The following CCDC170 variants were observed in gnomAD, a reference collection of about 807,000 sequenced individuals.
CCDC170 encodes the protein coiled-coil domain containing 170.
In CCDC170, 69 loss-of-function variants were observed where a neutral mutation model predicts 72.6. The ratio of observed to expected loss-of-function variants is 0.95; its 90% CI spans 0.78 to 1.16. CCDC170 has a LOEUF of 1.16. Among genes scored for constraint, CCDC170 ranks in the 50% most tolerant of loss-of-function variants. The probability of loss-of-function intolerance (pLI) is 0.00; values close to 1 mark genes in which losing one functional copy is unlikely to be tolerated. For synonymous variants in CCDC170, 300 were observed against 303.9 expected (o/e 0.99, Z 0.13); for missense variants, 852 against 832.5 (o/e 1.02, Z -0.29).
In CCDC170 at chr6:151,536,235, T is replaced by G. The variant is rs1532401; in HGVS notation, c.58-83T>G. On this transcript the variant is annotated intron_variant, in intron 1 of 10. Coordinates refer to ENST00000239374, the MANE Select transcript of CCDC170 (RefSeq NM_025059.4). ...TTGGAATACAAAGAATGCTTCTGCCTTTAATCTGGCTTTGTGCAGCTGCAC... is the reference window on the plus strand; with the variant it reads ...TTGGAATACAAAGAATGCTTCTGCCGTTAATCTGGCTTTGTGCAGCTGCAC... 1.8e-5 allele frequency: 28 copies of G among 1,514,662 alleles called. No individual in the cohort carries two copies. In the East Asian group the frequency reaches 6.4e-4, roughly 35 times the overall value. 93.8% of individuals were successfully genotyped at this position (1,514,662 alleles called of 1,614,324 possible). A position where few individuals can be genotyped will look rare whatever the true frequency, so the allele number is the denominator to read the frequency against.
At chr6:151,544,754 G>A (rs757027244) in intron 4 of CCDC170, 38 bp downstream of exon 4, 1 of 1,572,326 alleles carries the variant, frequency 6.4e-7, no homozygotes, top group South Asian at 1.2e-5. Context: ...TAAATGTAGT[G>A]GTGATTCTGA....
In CCDC170 at chr6:151,615,451, T is replaced by C. The variant is rs537414499; in HGVS notation, c.1719T>C (p.Thr573=). 1.2e-6 allele frequency: 2 copies of C among 1,611,848 alleles called. No homozygotes were observed. Among genetic ancestry groups the C allele is most frequent in the Admixed American group, 3.3e-5 (2 of 59,892 alleles). ...TTCTCTTGACTTTCTAGATTAAAAC[T>C]TTGGAACAGACTAAAGCCATTGAAG... ...LADTNELKIK[T]LEQTKAIEDL... Residue 573 remains threonine (T), a synonymous_variant, in exon 10 of 11, where the codon ACT becomes ACC. Coordinates refer to ENST00000239374, the MANE Select transcript of CCDC170 (RefSeq NM_025059.4).
At chr6:151,575,690 C>T (rs1490889502) in intron 6 of CCDC170, among the ~76,000 whole-genome samples, 2 of 151,582 alleles carry the variant, frequency 1.3e-5, no homozygotes, top group African/African-American at 2.4e-5. Flanking sequence ...CCACCACACC[C>T]AGCTAATTTT....
intron 1 of CCDC170, among the ~76,000 whole-genome samples, chr6:151,523,008 G>C (rs1782346140): frequency 6.6e-6 from 1 of 152,166 alleles, no homozygotes; most frequent in African/African-American, 2.4e-5. Context: ...CCCTCTCTTG[G>C]GGTCTGGAAT....
At chr6:151,533,486 G>A (rs967432466) in intron 1 of CCDC170, among the ~76,000 whole-genome samples, 1 of 151,850 alleles carries the variant, frequency 6.6e-6, no homozygotes, top group Non-Finnish European at 1.5e-5. Context: ...TGACCAACAT[G>A]GAGAAACCCC....
chr6:151,575,157 T>C (rs1776283067), intron 6 of CCDC170, among the ~76,000 whole-genome samples: 1 of 152,206 alleles, frequency 6.6e-6, no homozygotes, highest in South Asian at 2.1e-4. Flanking sequence ...AATGAGACTT[T>C]AAAGTAAATG....
At chr6:151,524,971 T>C (rs1018254668) in intron 1 of CCDC170, among the ~76,000 whole-genome samples, 7 of 148,522 alleles carry the variant, frequency 4.7e-5, no homozygotes, top group Admixed American at 6.8e-5. Context: ...CTCACTCTAT[T>C]GCCCAGGCTG....
chr6:151,527,175 G>A (rs1338694252), intron 1 of CCDC170, among the ~76,000 whole-genome samples: 1 of 151,228 alleles, frequency 6.6e-6, no homozygotes, highest in Non-Finnish European at 1.5e-5. Context: ...GGGATTACAG[G>A]TGTGAGCCAT....
chr6:151,607,347 T>A (rs1245160714), intron 9 of CCDC170, among the ~76,000 whole-genome samples: 4 of 152,218 alleles, frequency 2.6e-5, no homozygotes, highest in Admixed American at 6.5e-5. Context: ...GTTTTTAATA[T>A]ATCATTTGTT....
At chr6:151,601,518 C>CGTGT (rs201008177) in intron 9 of CCDC170, among the ~76,000 whole-genome samples, 70 of 150,560 alleles carry the variant, frequency 4.6e-4, no homozygotes, top group Admixed American at 2.4e-3. Flanking sequence ...AAAAACAGTG[C>CGTGT]GTGTGTGTGT....
At position 151,618,014 on chromosome 6, in the gene CCDC170, A is replaced by G; in HGVS notation, c.2015A>G (p.Asp672Gly). The change falls in exon 11 of 11, where the codon GAT becomes GGT. Residue 672 changes from aspartate (D) to glycine (G), a missense_variant. Transcript: ENST00000239374. ...AACGTGACCAGCCTTGCTCTTCCTG[A>G]TTATGAAATCATCAAGTGTCTTGAA... ...GLNVTSLALP[D>G]YEIIKCLERL... 6.2e-7 allele frequency: 1 copy of G among 1,614,110 alleles called. No individual in the cohort carries two copies. The highest frequency in any genetic ancestry group is 8.5e-7 in the Non-Finnish European group (1 of 1,180,006).
intron 1 of CCDC170, among the ~76,000 whole-genome samples, chr6:151,508,311 A>T (rs1782093132): frequency 6.6e-6 from 1 of 151,718 alleles, no homozygotes. Context: ...GCCAAGGCGG[A>T]TGGATCACCT....
At chr6:151,501,836 G>A (rs1007605638) in intron 1 of CCDC170, among the ~76,000 whole-genome samples, 3 of 152,116 alleles carry the variant, frequency 2.0e-5, no homozygotes, top group Non-Finnish European at 4.4e-5. Flanking sequence ...CCATGTTCAA[G>A]GACAACTTGA....
chr6:151,537,711 T>C, intron 2 of CCDC170, among the ~76,000 whole-genome samples: 1 of 152,210 alleles, frequency 6.6e-6, no homozygotes, highest in Non-Finnish European at 1.5e-5. Context: ...TGACTGTTTA[T>C]CAGCAGCAAT....
Position 151,596,522 on chromosome 6 carries a change from G to A in CCDC170, c.1655G>A (p.Cys552Tyr), listed in dbSNP as rs754244719. Residue 552 changes from cysteine (C) to tyrosine (Y), a missense_variant, in exon 9 of 11, where the codon TGT (cysteine) becomes TAT (tyrosine). By Grantham distance (194) the Cys-to-Tyr change is radical (BLOSUM62 -2). Transcript: ENST00000239374. ...AGGCTGCAGAAAGAGCTGAACACGT[G>A]TCGAGACTTGCACACCGAGCTCAAA... ...VERLQKELNT[C>Y]RDLHTELKAK... The A allele has an allele frequency of 3.7e-6, 6 of 1,614,144 alleles. No individual in the cohort carries two copies. In the South Asian group the frequency reaches 5.5e-5, roughly 15 times the overall value.
chr6:151,499,058 TC>T (rs1328549197), intron 1 of CCDC170, among the ~76,000 whole-genome samples: 2 of 116,420 alleles, frequency 1.7e-5, no homozygotes, highest in Non-Finnish European at 3.5e-5. Flanking sequence ...ATTTGACTAT[TC>T]TAGGCACTCT....
At chr6:151,607,689 C>T (rs1335021782) in intron 9 of CCDC170, among the ~76,000 whole-genome samples, 1 of 151,716 alleles carries the variant, frequency 6.6e-6, no homozygotes, top group Admixed American at 6.6e-5. Flanking sequence ...TAAGGTTTCT[C>T]TTGAGAAATC....
chr6:151,556,322 AGTGCAT>A (rs1782973894), intron 5 of CCDC170, among the ~76,000 whole-genome samples: 1 of 151,950 alleles, frequency 6.6e-6, no homozygotes, highest in Non-Finnish European at 1.5e-5. Flanking sequence ...TGGGCATGGT[AGTGCAT>A]GCCTGTAATC....
intron 5 of CCDC170, among the ~76,000 whole-genome samples, chr6:151,567,200 T>C (rs1170083570): frequency 2.0e-5 from 3 of 152,312 alleles, no homozygotes; most frequent in African/African-American, 4.8e-5. Context: ...ATTACAGGCG[T>C]GAGTCACCGT....
Sources: allele counts gnomAD v4.1 joint callset (sites outside exome capture counted in the v4.1 genomes callset), GRCh38; gene constraint gnomAD v4.1.1; transcripts MANE v1.5; gene names NCBI Gene and HGNC (gene_info 2026-07-23, HGNC 2026-07-21).